The following PRSS1 variants were observed in gnomAD, a reference collection of about 807,000 sequenced individuals.
The protein encoded by PRSS1 is serine protease 1.
In PRSS1, 22 loss-of-function variants were observed where a neutral mutation model predicts 24.2. That is an observed-to-expected ratio of 0.91 (90% CI 0.65 to 1.30). The LOEUF is 1.30. Ranked by LOEUF, PRSS1 falls within the 50% of genes most tolerant of loss-of-function variation. The probability of loss-of-function intolerance (pLI) is 0.00; values close to 1 mark genes in which losing one functional copy is unlikely to be tolerated. For synonymous variants in PRSS1, 126 were observed against 116.1 expected (o/e 1.08, Z -0.55); for missense variants, 366 against 304.2 (o/e 1.20, Z -1.51).
At chr7:142,750,203 C>A (rs975052516) in intron 1 of PRSS1, among the ~76,000 whole-genome samples, 1 of 128,704 alleles carries the variant, frequency 7.8e-6, no homozygotes, top group African/African-American at 3.1e-5. Flanking sequence ...GCCCAAATAG[C>A]CAGGGGAAGT....
intron 2 of PRSS1, 56 bp downstream of exon 2, chr7:142,750,770 G>C (rs960660203): frequency 1.2e-6 from 2 of 1,611,768 alleles, no homozygotes; most frequent in Non-Finnish European, 1.7e-6. Flanking sequence ...GGGAGAGCTT[G>C]GCTTCAGCCC....
At position 142,751,979 on chromosome 7, in the gene PRSS1, G is replaced by A. The variant is rs1798778277; in HGVS notation, c.406G>A (p.Gly136Ser). 2 of 1,614,118 alleles carry A rather than the reference G, an allele frequency of 1.2e-6. No homozygotes were observed. Among genetic ancestry groups the A allele is most frequent in the Non-Finnish European group, 1.7e-6 (2 of 1,180,026 alleles). ...ISLPTAPPATGTKCLISGWGN... is the reference protein window; with the variant it reads ...ISLPTAPPATSTKCLISGWGN... ...TCTGCCCACCGCCCCTCCAGCCACT[G>A]GCACGAAGTGCCTCATCTCTGGCTG... Residue 136 changes from glycine to serine, a missense_variant, in exon 3 of 5, where the codon GGC (glycine) becomes AGC (serine). Physicochemically the swap from Gly to Ser is moderately conservative, Grantham distance 56 (BLOSUM62 0). Transcript: ENST00000311737.
Position 142,751,763 on chromosome 7 carries a change from C to A in PRSS1, c.201-11C>A, listed in dbSNP as rs753791597. 4.7e-6 allele frequency: 5 copies of A among 1,062,578 alleles called. No individual in the cohort carries two copies. Among genetic ancestry groups the A allele is most frequent in the Non-Finnish European group, 5.4e-6 (4 of 740,952 alleles). The allele number at this position is 1,062,578 out of a possible 1,614,324, so 65.8% of individuals were successfully genotyped here. A position where few individuals can be genotyped will look rare whatever the true frequency, so the allele number is the denominator to read the frequency against. On this transcript the variant is annotated splice_polypyrimidine_tract_variant and intron_variant, in intron 2 of 4. Transcript: ENST00000311737. ...GGAGAAGGTCTTCACCATGCCTGCCCTGCCCATCAGCCGCATCCAGGTGAG... is the reference window on the plus strand; with the variant it reads ...GGAGAAGGTCTTCACCATGCCTGCCATGCCCATCAGCCGCATCCAGGTGAG...
intron 1 of PRSS1, among the ~76,000 whole-genome samples, chr7:142,750,152 G>A (rs1314741594): frequency 6.6e-6 from 1 of 151,854 alleles, no homozygotes; most frequent in African/African-American, 2.4e-5. Context: ...ATGCAGACAG[G>A]GGGTTTTCCT....
rs190942214 is a variant in PRSS1 at position 142,750,506 on chromosome 7, C to T, written c.41-49C>T. 1,178 of 1,613,288 alleles carry T rather than the reference C, an allele frequency of 7.3e-4. 12 individuals are homozygous for T. Among genetic ancestry groups the T allele is most frequent in the South Asian group, 5.2e-3 (473 of 91,052 alleles). On this transcript the variant is annotated intron_variant, in intron 1 of 4. Transcript: ENST00000311737. ...AAGCAATCACAGGCTGGGAGCGCCA[C>T]CCCTAACATGCTATTGACTTGCCTT...
At chr7:142,751,684 A>G in intron 2 of PRSS1, 90 bp from the exon 3 acceptor site, 1 of 1,612,724 alleles carries the variant, frequency 6.2e-7, no homozygotes, top group South Asian at 1.1e-5. Context: ...AGAGCTGTCC[A>G]TGAGCAGAGA....
In PRSS1 at chr7:142,749,474, A is replaced by T; in HGVS notation, c.-11A>T. On this transcript the variant is annotated 5_prime_UTR_variant, in exon 1 of 5. Coordinates refer to ENST00000311737, the MANE Select transcript of PRSS1 (RefSeq NM_002769.5). ...GAGTCCTCCACCACCAGTCAGGCAC[A>T]CTCTACCACCATGAATCCACTCCTG... 6.2e-7 allele frequency: 1 copy of T among 1,613,422 alleles called. No homozygotes were observed. Among genetic ancestry groups the T allele is most frequent in the Non-Finnish European group, 8.5e-7 (1 of 1,179,652 alleles).
At chr7:142,751,564 C>T (rs377093542) in intron 2 of PRSS1, 30 of 864,466 alleles carry the variant, frequency 3.5e-5, no homozygotes, top group Middle Eastern at 3.3e-4. Flanking sequence ...TCTTCCCCAC[C>T]CCACTACCAC....
In PRSS1 at chr7:142,752,562, T is replaced by C; in HGVS notation, c.586T>C (p.Cys196Arg). The stretch of plus-strand genomic sequence containing the variant: ...CTTCCTTGAGGGAGGCAAGGATTCA[T>C]GTCAGGTGATTTGACCAACCCTTCC... ...VGFLEGGKDSCQGDSGGPVVC... is the reference protein window; with the variant it reads ...VGFLEGGKDSRQGDSGGPVVC... The change falls in exon 4 of 5, where the codon TGT (cysteine) becomes CGT (arginine). Residue 196 changes from cysteine to arginine, a missense_variant. Coordinates refer to ENST00000311737, the MANE Select transcript of PRSS1 (RefSeq NM_002769.5). 1 of 1,614,188 alleles carries C rather than the reference T, an allele frequency of 6.2e-7. No homozygotes were observed. The highest frequency in any genetic ancestry group is 1.6e-4 in the Middle Eastern group (1 of 6,062).
chr7:142,749,537 C>T lies in PRSS1; in HGVS notation c.40+13C>T, dbSNP rs368872847. On this transcript the variant is annotated intron_variant, in intron 1 of 4. Transcript: ENST00000311737. ...GTGGCAGCTGCTCGTGAGTATCATG[C>T]CCTGCCTCAGGCCCCAACCACCCCC... 9.5e-5 allele frequency: 154 copies of T among 1,613,990 alleles called. No homozygotes were observed. In the Admixed American group the frequency reaches 2.0e-3, roughly 21 times the overall value.
In PRSS1 at chr7:142,752,511, A is replaced by T; in HGVS notation, c.535A>T (p.Ile179Phe). ...GTGTGAAGCCTCCTACCCTGGAAAGATTACCAGCAACATGTTCTGTGTGGG... is the reference window on the plus strand; with the variant it reads ...GTGTGAAGCCTCCTACCCTGGAAAGTTTACCAGCAACATGTTCTGTGTGGG... ...AKCEASYPGKITSNMFCVGFL... is the reference protein window; with the variant it reads ...AKCEASYPGKFTSNMFCVGFL... Residue 179 changes from isoleucine (I) to phenylalanine (F), a missense_variant, in exon 4 of 5, where the codon ATT becomes TTT. Coordinates refer to ENST00000311737, the MANE Select transcript of PRSS1 (RefSeq NM_002769.5). The T allele has an allele frequency of 6.2e-7, 1 of 1,614,200 alleles. No homozygotes were observed. The highest frequency in any genetic ancestry group is 1.3e-5 in the African/African-American group (1 of 75,076).
intron 1 of PRSS1, 137 bp downstream of exon 1, chr7:142,749,661 A>C: frequency 5.0e-6 from 6 of 1,195,614 alleles, no homozygotes; most frequent in Non-Finnish European, 4.9e-6. Context: ...TCTCCTTCCC[A>C]TCCTCCTTGG....
At position 142,750,715 on chromosome 7, in the gene PRSS1, G is replaced by T. The variant is rs143909348; in HGVS notation, c.200+1G>T. ...TATCAGCAGGCCACTGCTACAAGTC[G>T]TAAGTGTGGGGCCCCCGACTGCAAA... On this transcript the variant is annotated splice_donor_variant, in intron 2 of 4. Coordinates refer to ENST00000311737, the MANE Select transcript of PRSS1 (RefSeq NM_002769.5). LOFTEE classifies it high-confidence loss of function. The T allele has an allele frequency of 4.0e-6, 6 of 1,512,504 alleles. No individual in the cohort carries two copies. The highest frequency in any genetic ancestry group is 5.3e-6 in the Non-Finnish European group (6 of 1,128,144). The allele number at this position is 1,512,504 out of a possible 1,614,324, so 93.7% of individuals were successfully genotyped here.
intron 2 of PRSS1, chr7:142,751,199 A>T: frequency 1.5e-6 from 1 of 671,144 alleles, no homozygotes; most frequent in Non-Finnish European, 2.7e-6. Context: ...CTCAAACCTG[A>T]GTATGCATCA....
intron 1 of PRSS1, among the ~76,000 whole-genome samples, chr7:142,750,349 G>T (rs538181775): frequency 9.5e-6 from 1 of 105,806 alleles, no homozygotes; most frequent in African/African-American, 4.4e-5. Context: ...CGGATCCTCC[G>T]CAGGGTACCT....
Position 142,752,509 on chromosome 7 carries a change from A to T in PRSS1, c.533A>T (p.Lys178Met). ...AAGTGTGAAGCCTCCTACCCTGGAA[A>T]GATTACCAGCAACATGTTCTGTGTG... ...QAKCEASYPG[K>M]ITSNMFCVGF... Residue 178 changes from lysine to methionine, a missense_variant, in exon 4 of 5, where the codon AAG (lysine) becomes ATG (methionine). Physicochemically the swap from Lys to Met is moderately conservative, Grantham distance 95. Transcript: ENST00000311737. The T allele has an allele frequency of 6.2e-7, 1 of 1,614,208 alleles. No homozygotes were observed. Among genetic ancestry groups the T allele is most frequent in the Non-Finnish European group, 8.5e-7 (1 of 1,180,022 alleles).
Position 142,750,562 on chromosome 7 carries a change from C to T in PRSS1, c.48C>T (p.Ala16=), listed in dbSNP as rs1585978487. The T allele has an allele frequency of 1.9e-6, 3 of 1,614,028 alleles. No individual in the cohort carries two copies. The highest frequency in any genetic ancestry group is 2.5e-6 in the Non-Finnish European group (3 of 1,179,874). ...ILTFVAAALA[A]PFDDDDKIVG... ...TTCCCATCTCCACTCCAGTTGCTGC[C>T]CCCTTTGATGATGATGACAAGATCG... Residue 16 remains alanine, a synonymous_variant, in exon 2 of 5, where the codon GCC becomes GCT. Coordinates refer to ENST00000311737, the MANE Select transcript of PRSS1 (RefSeq NM_002769.5).
chr7:142,750,517 C>T (rs376163009), intron 1 of PRSS1, 38 bp from the exon 2 acceptor site: 76 of 1,613,712 alleles, frequency 4.7e-5, no homozygotes, highest in Non-Finnish European at 5.8e-5. Flanking sequence ...CCCTAACATG[C>T]TATTGACTTG....
At chr7:142,749,648 A>G (rs1219111183) in intron 1 of PRSS1, 124 bp downstream of exon 1, 2 of 1,338,254 alleles carry the variant, frequency 1.5e-6, no homozygotes, top group Non-Finnish European at 2.1e-6. Flanking sequence ...TCCATCTGGC[A>G]TATCTCCTTC....
Sources: gnomAD v4.1 joint callset for allele counts (sites outside exome capture counted in the v4.1 genomes callset) on GRCh38, gnomAD v4.1.1 for gene constraint, MANE v1.5 for transcripts, NCBI Gene and HGNC (gene_info 2026-07-23, HGNC 2026-07-21) for gene names.